The following OXNAD1 variants were observed in gnomAD, a reference collection of about 807,000 sequenced individuals.
The protein encoded by OXNAD1 is oxidoreductase NAD binding domain containing 1.
A neutral mutation model predicts 32.9 loss-of-function variants in OXNAD1; 34 were observed. The ratio of observed to expected loss-of-function variants is 1.03; its 90% CI spans 0.79 to 1.38. OXNAD1 has a LOEUF of 1.38. OXNAD1 is among the 40% of genes most tolerant of loss of function. The pLI is 0.00. For missense variants in OXNAD1, 407 were observed against 379.4 expected, an observed-to-expected ratio of 1.07 and a Z score of -0.60; for synonymous variants, 134 against 135.2, an observed-to-expected ratio of 0.99 and a Z score of 0.06.
intron 9 of OXNAD1, among the ~76,000 whole-genome samples, chr3:16,332,038 A>AT (rs898135694): frequency 2.0e-4 from 30 of 149,448 alleles, no homozygotes; most frequent in Middle Eastern, 3.4e-3. Flanking sequence ...AGTTTTTAGG[A>AT]TTTTTTTTTT....
rs1288951085 is a variant in OXNAD1 at position 16,305,819 on chromosome 3, G to A, written c.*2257G>A. On this transcript the variant is annotated 3_prime_UTR_variant, in exon 9 of 9. Coordinates refer to ENST00000285083, the MANE Select transcript of OXNAD1 (RefSeq NM_138381.5). This position sits in a 1 kb window ranked among gnomAD's most constrained non-coding sequence, Gnocchi z 4.5. Reference sequence around the variant, plus strand: ...TGCTGCCTACCTACCTACATGATAGGGCTGTTACGGGGATTGAAGGTGATC... The same window carrying A: ...TGCTGCCTACCTACCTACATGATAGAGCTGTTACGGGGATTGAAGGTGATC... 6.6e-6 allele frequency: 1 copy of A among 152,158 alleles called. No homozygotes were observed. Among genetic ancestry groups the A allele is most frequent in the Non-Finnish European group, 1.5e-5 (1 of 68,030 alleles). 9.4% of individuals were successfully genotyped at this position (152,158 alleles called of 1,614,324 possible).
rs138824916 is a variant in OXNAD1, at chr3:16,317,089, T to G, written c.*30+13497T>G. Reference sequence around the variant, plus strand: ...CCTGCTGCTGTCCTGAAACACAGTTTCCCATGTCTCCAGCTTTGGAAGACT... The same window carrying G: ...CCTGCTGCTGTCCTGAAACACAGTTGCCCATGTCTCCAGCTTTGGAAGACT... On this transcript the variant is annotated intron_variant, in intron 9 of 9. Transcript: ENST00000435829. This position sits in a 1 kb window ranked among gnomAD's most constrained non-coding sequence, Gnocchi z 4.3. 1 of 1,613,972 alleles carries G rather than the reference T, an allele frequency of 6.2e-7. No homozygotes were observed. The highest frequency in any genetic ancestry group is 1.3e-5 in the African/African-American group (1 of 74,982).
Position 16,297,109 on chromosome 3 carries a change from G to A in OXNAD1, c.432+2112G>A, listed in dbSNP as rs531024106. 6.6e-6 allele frequency among the ~76,000 whole-genome samples: 1 copy of A among 152,210 alleles called. No individual in the cohort carries two copies. Among genetic ancestry groups the A allele is most frequent in the African/African-American group, 2.4e-5 (1 of 41,534 alleles). On this transcript the variant is annotated intron_variant, in intron 6 of 8. Coordinates refer to ENST00000285083, the MANE Select transcript of OXNAD1 (RefSeq NM_138381.5). This position sits in a 1 kb window ranked among gnomAD's most constrained non-coding sequence, Gnocchi z 4.3. The stretch of plus-strand genomic sequence containing the variant: ...ATATCTAACAAAGGGCTTGAATCTA[G>A]AATATATAAAGAAATCTCAAAAGTC...
Position 16,348,246 on chromosome 3 carries a change from A to G in OXNAD1, c.*31-930A>G, listed in dbSNP as rs922748628. ...AAGCATGATGGTAAAAAGGAAGCCG[A>G]GGCATCTAGATCACTGACATTATCC... On this transcript the variant is annotated intron_variant, in intron 9 of 9. Coordinates refer to the OXNAD1 transcript ENST00000606098. The surrounding 1 kb of genome is among the most constrained non-coding windows in gnomAD (Gnocchi z 6.3). Among the ~76,000 whole-genome samples, 1 of 152,126 alleles carries G rather than the reference A, an allele frequency of 6.6e-6. No individual in the cohort carries two copies. The highest frequency in any genetic ancestry group is 2.4e-5 in the African/African-American group (1 of 41,414).
Position 16,334,296 on chromosome 3 carries a change from C to T in OXNAD1, c.*31-2816C>T, listed in dbSNP as rs2070641395. 6.6e-6 allele frequency among the ~76,000 whole-genome samples: 1 copy of T among 152,202 alleles called. No homozygotes were observed. Among genetic ancestry groups the T allele is most frequent in the Non-Finnish European group, 1.5e-5 (1 of 68,034 alleles). ...CCAAGGCCGTGGGGAAGCATGCGTT[C>T]TTGTACATTGCTAGTGGAAGGGCTC... On this transcript the variant is annotated intron_variant, in intron 9 of 9. Coordinates refer to the OXNAD1 transcript ENST00000435829. This position sits in a 1 kb window ranked among gnomAD's most constrained non-coding sequence, Gnocchi z 4.3.
At chr3:16,309,912 A>C (rs929147478), downstream of OXNAD1, among the ~76,000 whole-genome samples, 1 of 152,234 alleles carries the variant, frequency 6.6e-6, no homozygotes, top group Non-Finnish European at 1.5e-5. Context: ...AGAGATGTCT[A>C]AGGAGTATCT....
chr3:16,316,668 C>T lies in OXNAD1; in HGVS notation c.*30+13076C>T, dbSNP rs763261566. On this transcript the variant is annotated intron_variant, in intron 9 of 9. Coordinates refer to the OXNAD1 transcript ENST00000435829. This position sits in a 1 kb window ranked among gnomAD's most constrained non-coding sequence, Gnocchi z 4.5. ...GTGCAAAAACCAACACTGTCAGGAA[C>T]CTGGCCCTGGGAGGGCTCAGGTGAG... 86 of 777,470 alleles carry T rather than the reference C, an allele frequency of 1.1e-4. No individual in the cohort carries two copies. The highest frequency in any genetic ancestry group is 2.3e-4 in the Admixed American group (10 of 43,156). The allele number at this position is 777,470 out of a possible 1,614,324, so 48.2% of individuals were successfully genotyped here.
chr3:16,306,580 C>T (rs2067577828), downstream of OXNAD1, among the ~76,000 whole-genome samples: 1 of 152,076 alleles, frequency 6.6e-6, no homozygotes, highest in Non-Finnish European at 1.5e-5. Context: ...TCCTTACACC[C>T]CCTACACATA....
chr3:16,271,747 G>C lies in OXNAD1; in HGVS notation c.183+25G>C. ...GGTTTGTATCTTTGGGGTATGACAG[G>C]TTTTTCCAGCTAGACCGTTTACATG... On this transcript the variant is annotated intron_variant, in intron 4 of 8. Coordinates refer to ENST00000285083, the MANE Select transcript of OXNAD1 (RefSeq NM_138381.5). The surrounding 1 kb of genome is among the most constrained non-coding windows in gnomAD (Gnocchi z 4.6). 1 of 1,595,286 alleles carries C rather than the reference G, an allele frequency of 6.3e-7. No homozygotes were observed. Among genetic ancestry groups the C allele is most frequent in the African/African-American group, 1.4e-5 (1 of 73,822 alleles).
intron 1 of OXNAD1, among the ~76,000 whole-genome samples, chr3:16,266,100 G>A (rs1444810588): frequency 6.6e-6 from 1 of 152,010 alleles, no homozygotes; most frequent in African/African-American, 2.4e-5. Context: ...GAAGATCTGG[G>A]ATCGGAATCT....
At position 16,317,595 on chromosome 3, in the gene OXNAD1, G is replaced by A. The variant is rs1330768968; in HGVS notation, c.*30+14003G>A. Among the ~76,000 whole-genome samples, 2 of 152,196 alleles carry A rather than the reference G, an allele frequency of 1.3e-5. No individual in the cohort carries two copies. The highest frequency in any genetic ancestry group is 4.8e-5 in the African/African-American group (2 of 41,452). On this transcript the variant is annotated intron_variant, in intron 9 of 9. Transcript: ENST00000435829. The surrounding 1 kb of genome is among the most constrained non-coding windows in gnomAD (Gnocchi z 4.3). Reference sequence around the variant, plus strand: ...GAGATGTGAGGCCTGCCCCCAGTAAGAGCCAGAGCTGCAGCTACTCATTTC... The same window carrying A: ...GAGATGTGAGGCCTGCCCCCAGTAAAAGCCAGAGCTGCAGCTACTCATTTC...
chr3:16,303,341 A>T lies in OXNAD1; in HGVS notation c.785-67A>T. The T allele has an allele frequency of 6.5e-7, 1 of 1,540,250 alleles. No individual in the cohort carries two copies. Among genetic ancestry groups the T allele is most frequent in the Non-Finnish European group, 8.9e-7 (1 of 1,122,192 alleles). The stretch of plus-strand genomic sequence containing the variant: ...TAAACACTGTATCTGAATTGTGGTT[A>T]GTCCTTCCTCATTTGCTGATACAAC... On this transcript the variant is annotated intron_variant, in intron 8 of 8. Transcript: ENST00000285083. The surrounding 1 kb of genome is among the most constrained non-coding windows in gnomAD (Gnocchi z 4.8).
rs1222141849 is a variant in OXNAD1 at position 16,290,508 on chromosome 3, A to G, written c.290+4060A>G. On this transcript the variant is annotated intron_variant, in intron 5 of 8. Transcript: ENST00000285083. The surrounding 1 kb of genome is among the most constrained non-coding windows in gnomAD (Gnocchi z 4.2). ...AGCATTGAGCAGCAGAGGGCACTGT[A>G]GTTCAGGAGATGAAGCAGCAAAAGT... is the stretch of plus-strand genomic sequence containing the variant. 1.3e-5 allele frequency among the ~76,000 whole-genome samples: 2 copies of G among 152,202 alleles called. No homozygotes were observed. The highest frequency in any genetic ancestry group is 2.9e-5 in the Non-Finnish European group (2 of 68,032).
chr3:16,300,189 T>C (rs1377101632), intron 6 of OXNAD1, among the ~76,000 whole-genome samples: 2 of 152,238 alleles, frequency 1.3e-5, no homozygotes, highest in African/African-American at 4.8e-5. Context: ...ATAGTTAATG[T>C]AATGTACCCA....
Position 16,344,704 on chromosome 3 carries a change from G to C in OXNAD1, c.*31-4472G>C, listed in dbSNP as rs138477922. 1.2e-3 allele frequency among the ~76,000 whole-genome samples: 179 copies of C among 152,296 alleles called. No homozygotes were observed. Among genetic ancestry groups the C allele is most frequent in the African/African-American group, 3.8e-3 (159 of 41,554 alleles). ...TGGCATCAGAAAGCTCATGAAGACA[G>C]ACCTCCTCCCAATGAAAGCACATCG... On this transcript the variant is annotated intron_variant, in intron 9 of 9. Transcript: ENST00000606098. This position sits in a 1 kb window ranked among gnomAD's most constrained non-coding sequence, Gnocchi z 4.4.
intron 9 of OXNAD1, chr3:16,326,924 T>C: frequency 1.4e-6 from 2 of 1,441,802 alleles, no homozygotes; most frequent in East Asian, 2.3e-5. Context: ...ACAAGCCAAC[T>C]CCCAGGCAAT....
intron 9 of OXNAD1, among the ~76,000 whole-genome samples, chr3:16,323,846 C>G (rs556917883): frequency 6.6e-6 from 1 of 152,186 alleles, no homozygotes; most frequent in Non-Finnish European, 1.5e-5. Context: ...GTGATGAGCT[C>G]AGCCCTCCAG....
intron 9 of OXNAD1, among the ~76,000 whole-genome samples, chr3:16,349,025 T>A (rs2071917349): frequency 6.6e-6 from 1 of 152,214 alleles, no homozygotes; most frequent in Admixed American, 6.5e-5. Flanking sequence ...AAGTTTCAGA[T>A]CAGAAGTCAG....
At chr3:16,279,950 T>A (rs1254840983) in intron 4 of OXNAD1, among the ~76,000 whole-genome samples, 1 of 152,070 alleles carries the variant, frequency 6.6e-6, no homozygotes, top group Admixed American at 6.6e-5. Flanking sequence ...GAGAAGCTTG[T>A]TTTGTTTGTT....
Sources: allele counts gnomAD v4.1 joint callset (sites outside exome capture counted in the v4.1 genomes callset), GRCh38; gene constraint gnomAD v4.1.1; non-coding constraint Gnocchi (gnomAD v3.1); transcripts MANE v1.5; gene names NCBI Gene and HGNC (gene_info 2026-07-23, HGNC 2026-07-21).